Variants in ACADL observed in about 807,000 individuals in gnomAD.
ACADL encodes long-chain specific acyl-CoA dehydrogenase, mitochondrial.
ACADL carries 60 observed loss-of-function variants against 56.9 expected under a neutral mutation model. That is an observed-to-expected ratio of 1.05 (90% CI 0.86 to 1.31). The LOEUF (loss-of-function observed/expected upper bound fraction) is 1.31. ACADL is among the 50% of genes most tolerant of loss of function. The probability of loss-of-function intolerance (pLI) is 0.00; values close to 1 mark genes in which losing one functional copy is unlikely to be tolerated. For synonymous variants in ACADL, 158 were observed against 179.7 expected (o/e 0.88, Z 0.97); for missense variants, 484 against 525.5 (o/e 0.92, Z 0.77).
rs1344295917 is a variant in ACADL, at chr2:210,220,704, A to C, written c.176T>G (p.Ile59Ser). ...IRRIFSPEHD[I>S]FRKSVRKFFQ... ...AAACTTCCTTACACTTTTCCGGAAA[A>C]TGTCATGCTCTGGAGAAAAGATTCT... Residue 59 changes from isoleucine (I) to serine (S), a missense_variant, in exon 2 of 11, where the codon ATT becomes AGT. Coordinates refer to ENST00000233710, the MANE Select transcript of ACADL (RefSeq NM_001608.4). 3 of 1,613,608 alleles carry C rather than the reference A, an allele frequency of 1.9e-6. No homozygotes were observed. Among genetic ancestry groups the C allele is most frequent in the Non-Finnish European group, 2.5e-6 (3 of 1,179,802 alleles).
rs114662279 is a variant in ACADL at position 210,197,930 on chromosome 2, A to G, written c.985-2592T>C. ...CTGAGGATAAAAAGATTAAATATTT[A>G]CATATTCTTGCCATTGGGTTGAGCG... On this transcript the variant is annotated intron_variant, in intron 8 of 10. Transcript: ENST00000233710. 9.3e-3 allele frequency among the ~76,000 whole-genome samples: 1,416 copies of G among 152,318 alleles called. 22 individuals are homozygous for G. Among genetic ancestry groups the G allele is most frequent in the African/African-American group, 0.029 (1,214 of 41,580 alleles).
chr2:210,214,507 GAA>G (rs72182344), intron 4 of ACADL, among the ~76,000 whole-genome samples: 167 of 27,860 alleles, frequency 6.0e-3, no homozygotes, highest in African/African-American at 0.015. Context: ...AAGAAAGAAA[GAA>G]AAAGAAAGAA....
At chr2:210,222,508 C>CAAAAA (rs797000679) in intron 1 of ACADL, among the ~76,000 whole-genome samples, 14 of 81,304 alleles carry the variant, frequency 1.7e-4, no homozygotes, top group African/African-American at 3.1e-4. Context: ...AACAAACAAA[C>CAAAAA]AAAAAAAAAA....
chr2:210,208,531 A>AT (rs1183536821), intron 5 of ACADL, among the ~76,000 whole-genome samples: 1 of 152,154 alleles, frequency 6.6e-6, no homozygotes, highest in Admixed American at 6.6e-5. Context: ...GAGGGCCAAC[A>AT]TTTTTGGGTG....
Position 210,225,191 on chromosome 2 carries a change from C to A in ACADL, c.73G>T (p.Ala25Ser). 1 of 1,533,718 alleles carries A rather than the reference C, an allele frequency of 6.5e-7. No homozygotes were observed. The highest frequency in any genetic ancestry group is 8.7e-7 in the Non-Finnish European group (1 of 1,145,540). Reference sequence around the variant, plus strand: ...GAAGTCCCGGCTGGCACTCACCGCGCGGCGGGCAGCTGGCGCGGCGCACGG... The same window carrying A: ...GAAGTCCCGGCTGGCACTCACCGCGAGGCGGGCAGCTGGCGCGGCGCACGG... ...GHRAPRQLPA[A>S]RCSHSGGEER... Residue 25 changes from alanine to serine, a missense_variant, in exon 1 of 11, where the codon GCG becomes TCG. By Grantham distance (99) the Ala-to-Ser change is moderately conservative. Transcript: ENST00000233710.
At chr2:210,210,940 T>G (rs1688968755) in intron 4 of ACADL, among the ~76,000 whole-genome samples, 1 of 151,766 alleles carries the variant, frequency 6.6e-6, no homozygotes, top group South Asian at 2.1e-4. Context: ...AGTGAGAATT[T>G]GTCTAAAAAA....
rs756803658 is a variant in ACADL, at chr2:210,188,988, A to G, written c.1266T>C (p.Ile422=). The G allele has an allele frequency of 1.9e-6, 3 of 1,613,238 alleles. No individual in the cohort carries two copies. Among genetic ancestry groups the G allele is most frequent in the Admixed American group, 3.3e-5 (2 of 59,990 alleles). The change falls in exon 11 of 11, where the codon ATT becomes ATC. Residue 422 remains isoleucine, a synonymous_variant. Coordinates refer to ENST00000233710, the MANE Select transcript of ACADL (RefSeq NM_001608.4). ...ACTTGTCAAAGACAATCTCTCTTGC[A>G]ATCAGCTCCTTCATTATTTCATTTG... ...GGTNEIMKEL[I]AREIVFDK
chr2:210,214,525 G>GAAAGAAAAAGAAAGAAAGAAAGA (rs1689050618), intron 4 of ACADL, among the ~76,000 whole-genome samples: 1 of 151,014 alleles, frequency 6.6e-6, no homozygotes, highest in Non-Finnish European at 1.5e-5. Flanking sequence ...AAGAAAGAAA[G>GAAAGAAAAAGAAAGAAAGAAAGA]AAAGAAATCT....
intron 1 of ACADL, among the ~76,000 whole-genome samples, chr2:210,222,508 CAAAAAAAA>C (rs797000679): frequency 2.5e-5 from 2 of 81,374 alleles, no homozygotes; most frequent in East Asian, 5.9e-4. Context: ...AACAAACAAA[CAAAAAAAA>C]AAAAAAAAGG....
At chr2:210,217,744 A>G (rs762872820) in intron 3 of ACADL, 7 of 556,206 alleles carry the variant, frequency 1.3e-5, no homozygotes, top group African/African-American at 3.8e-5. Context: ...TTAATTTTCA[A>G]TAGCACCTAT....
chr2:210,208,716 A>G (rs546088429), intron 5 of ACADL, among the ~76,000 whole-genome samples: 28 of 152,214 alleles, frequency 1.8e-4, no homozygotes, highest in Middle Eastern at 3.2e-3. Context: ...AAATGTTCCT[A>G]TACTTGCATT....
chr2:210,220,263 T>A (rs1350561700), intron 2 of ACADL, among the ~76,000 whole-genome samples: 1 of 152,154 alleles, frequency 6.6e-6, no homozygotes, highest in South Asian at 2.1e-4. Flanking sequence ...TCAAGAACTA[T>A]CCAGAGGTAA....
chr2:210,204,479 A>G, intron 7 of ACADL, 102 bp downstream of exon 7: 2 of 877,788 alleles, frequency 2.3e-6, no homozygotes, highest in Non-Finnish European at 3.7e-6. Flanking sequence ...CAAGTTTTGC[A>G]TGTATAAATT....
At position 210,222,504 on chromosome 2, in the gene ACADL, CAAACA is replaced by C. The variant is rs1295357596; in HGVS notation, c.78-1707_78-1703del. Among the ~76,000 whole-genome samples, 10 of 51,684 alleles carry C rather than the reference CAAACA, an allele frequency of 1.9e-4. No homozygotes were observed. The South Asian group carries it at 5.1e-3, about 26-fold the overall frequency. The allele number at this position is 51,684 out of a possible 152,430, so 33.9% of individuals were successfully genotyped here. Reference sequence around the variant, plus strand: ...AGCCTTGTCACTAAAAACAAACAAACAAACAAAAAAAAAAAAAAAAGGAAAAGAAA... The same window carrying C: ...AGCCTTGTCACTAAAAACAAACAAACAAAAAAAAAAAAAAAGGAAAAGAAA... On this transcript the variant is annotated intron_variant, in intron 1 of 10. Transcript: ENST00000233710.
chr2:210,216,134 C>A (rs1689082479), intron 4 of ACADL, among the ~76,000 whole-genome samples: 1 of 152,178 alleles, frequency 6.6e-6, no homozygotes, highest in Non-Finnish European at 1.5e-5. Flanking sequence ...TTACACACTA[C>A]CATTTTCTTT....
intron 6 of ACADL, 88 bp from the exon 7 acceptor site, chr2:210,204,770 C>CA (rs1216646449): frequency 1.7e-5 from 19 of 1,114,054 alleles, no homozygotes; most frequent in South Asian, 1.6e-4. Context: ...TTATTTTTTC[C>CA]AAAAAAACAA....
In ACADL at chr2:210,216,433, T is replaced by C; in HGVS notation, c.450A>G (p.Ser150=). ...IVMSYITNHG[S]EEQIKHFIPQ... Reference sequence around the variant, plus strand: ...GAATAAAGTGCTTAATCTGTTCTTCTGAGCCATGGTTTGTAATATAGGACA... The same window carrying C: ...GAATAAAGTGCTTAATCTGTTCTTCCGAGCCATGGTTTGTAATATAGGACA... Residue 150 remains serine, a synonymous_variant, in exon 4 of 11, where the codon TCA becomes TCG. Transcript: ENST00000233710. 6.2e-7 allele frequency: 1 copy of C among 1,613,926 alleles called. No individual in the cohort carries two copies. Among genetic ancestry groups the C allele is most frequent in the Non-Finnish European group, 8.5e-7 (1 of 1,179,840 alleles).
intron 4 of ACADL, among the ~76,000 whole-genome samples, chr2:210,215,399 T>G (rs1689069568): frequency 6.6e-6 from 1 of 152,176 alleles, no homozygotes. Context: ...CATTACTAAC[T>G]TCTTTCTCCT....
rs1559636968 is a variant in ACADL at position 210,205,648 on chromosome 2, A to AT, written c.751dup (p.Met251AsnfsTer14). ...ATCACTCACCTGGGCTTTTAATCCC[A>AT]TTTTATGTAGCTTTCGTCCCTTGAT... On this transcript the variant is annotated frameshift_variant, in exon 6 of 11. Coordinates refer to ENST00000233710, the MANE Select transcript of ACADL (RefSeq NM_001608.4). LOFTEE classifies it high-confidence loss of function. 1 of 1,613,894 alleles carries AT rather than the reference A, an allele frequency of 6.2e-7. No individual in the cohort carries two copies. Among genetic ancestry groups the AT allele is most frequent in the South Asian group, 1.1e-5 (1 of 91,082 alleles).
Sources: gnomAD v4.1 joint callset for allele counts (sites outside exome capture counted in the v4.1 genomes callset) on GRCh38, gnomAD v4.1.1 for gene constraint, MANE v1.5 for transcripts, NCBI Gene and HGNC (gene_info 2026-07-23, HGNC 2026-07-21) for gene names.